Variants in MYRIP observed in about 807,000 individuals in gnomAD.
The protein encoded by MYRIP is myosin VIIA and Rab interacting protein, also known as rab effector MyRIP.
A neutral mutation model predicts 98.0 loss-of-function variants in MYRIP; 49 were observed. That is an observed-to-expected ratio of 0.50 (90% CI 0.40 to 0.63). The LOEUF is 0.63. Among genes scored for constraint, MYRIP ranks in the 30% least tolerant of loss-of-function variants. The probability of loss-of-function intolerance (pLI) is 0.00; values close to 1 mark genes in which losing one functional copy is unlikely to be tolerated. For missense variants in MYRIP, 1,004 were observed against 1,058.2 expected, an observed-to-expected ratio of 0.95 and a Z score of 0.71; for synonymous variants, 404 against 409.5, an observed-to-expected ratio of 0.99 and a Z score of 0.16.
chr3:40,124,561 C>T (rs950627682), intron 3 of MYRIP, among the ~76,000 whole-genome samples: 5 of 152,212 alleles, frequency 3.3e-5, no homozygotes, highest in African/African-American at 1.2e-4. Context: ...CAACCCACAC[C>T]TTTCTCCCAG....
chr3:40,034,732 C>T (rs1947338627), intron 2 of MYRIP, among the ~76,000 whole-genome samples: 1 of 151,664 alleles, frequency 6.6e-6, no homozygotes, highest in African/African-American at 2.4e-5. Context: ...GGTATATACC[C>T]AGAGGATTAT....
At position 40,033,725 on chromosome 3, in the gene MYRIP, A is replaced by G. The variant is rs182734263; in HGVS notation, c.111-10325A>G. Among the ~76,000 whole-genome samples, 4 of 152,198 alleles carry G rather than the reference A, an allele frequency of 2.6e-5. No individual in the cohort carries two copies. In the South Asian group the frequency reaches 8.3e-4, roughly 32 times the overall value. On this transcript the variant is annotated intron_variant, in intron 2 of 16. Coordinates refer to ENST00000302541, the MANE Select transcript of MYRIP (RefSeq NM_015460.4). The stretch of plus-strand genomic sequence containing the variant: ...CACAGAATTGGAAGAAAACTACTTT[A>G]AAGTTCATATGGAACCAAAAAAGAG...
At chr3:39,947,131 T>C (rs1944921998) in intron 2 of MYRIP, among the ~76,000 whole-genome samples, 1 of 152,108 alleles carries the variant, frequency 6.6e-6, no homozygotes, top group Non-Finnish European at 1.5e-5. Flanking sequence ...TAGCTGGAGA[T>C]AATAGAACAT....
chr3:39,891,768 G>C (rs1246894176), intron 1 of MYRIP, among the ~76,000 whole-genome samples: 1 of 151,992 alleles, frequency 6.6e-6, no homozygotes, highest in Non-Finnish European at 1.5e-5. Context: ...CCATCAATAG[G>C]TTAACATGAA....
intron 2 of MYRIP, among the ~76,000 whole-genome samples, chr3:39,901,329 A>C (rs747678841): frequency 6.6e-6 from 1 of 152,180 alleles, no homozygotes; most frequent in Non-Finnish European, 1.5e-5. Context: ...ACTCTCAGCT[A>C]CTGTAGCACA....
intron 11 of MYRIP, among the ~76,000 whole-genome samples, chr3:40,222,197 T>A (rs1559462797): frequency 6.6e-6 from 1 of 152,240 alleles, no homozygotes; most frequent in Admixed American, 6.5e-5. Flanking sequence ...CAGAGGCACT[T>A]CTGCAGTCAT....
At chr3:40,208,384 T>G (rs60713775) in intron 10 of MYRIP, among the ~76,000 whole-genome samples, 8,023 of 152,278 alleles carry the variant, frequency 0.053, 678 homozygotes, top group African/African-American at 0.18. Context: ...TTGGGTCCAG[T>G]GACCCCGATG....
At chr3:40,043,501 T>C (rs539796698) in intron 2 of MYRIP, among the ~76,000 whole-genome samples, 68 of 152,256 alleles carry the variant, frequency 4.5e-4, no homozygotes, top group African/African-American at 1.6e-3. Flanking sequence ...AATTGTTCTT[T>C]TATCCAACTA....
chr3:39,873,721 A>G (rs1274474483), intron 1 of MYRIP, among the ~76,000 whole-genome samples: 2 of 150,816 alleles, frequency 1.3e-5, no homozygotes, highest in East Asian at 1.9e-4. Context: ...TACCAGTACC[A>G]TGCTGTTTTG....
intron 2 of MYRIP, among the ~76,000 whole-genome samples, chr3:39,997,419 A>C (rs1055122712): frequency 1.3e-5 from 2 of 152,162 alleles, no homozygotes; most frequent in Non-Finnish European, 2.9e-5. Context: ...TATGCAAATA[A>C]ACTAGAAAAT....
intron 2 of MYRIP, among the ~76,000 whole-genome samples, chr3:39,929,008 T>G (rs934586586): frequency 1.3e-5 from 2 of 151,686 alleles, no homozygotes; most frequent in African/African-American, 2.4e-5. Context: ...CAAAAATTCA[T>G]TGTGTGTGTG....
chr3:40,034,326 G>T (rs1446112490), intron 2 of MYRIP, among the ~76,000 whole-genome samples: 11 of 152,090 alleles, frequency 7.2e-5, no homozygotes, highest in Non-Finnish European at 1.2e-4. Context: ...CTACTCATCT[G>T]ACAAAGGGCT....
intron 13 of MYRIP, among the ~76,000 whole-genome samples, chr3:40,245,913 ATTTTTT>A (rs55637614): frequency 3.5e-5 from 4 of 115,634 alleles, no homozygotes; most frequent in South Asian, 3.1e-4. Flanking sequence ...CACCCAGCTA[ATTTTTT>A]TTTTTTTTTT....
intron 3 of MYRIP, among the ~76,000 whole-genome samples, chr3:40,142,913 G>T (rs1188567493): frequency 6.6e-6 from 1 of 152,222 alleles, no homozygotes; most frequent in Non-Finnish European, 1.5e-5. Flanking sequence ...CTGAGGCTTA[G>T]AAGCTGCAGT....
Position 40,258,214 on chromosome 3 carries a change from G to A in MYRIP, c.*48G>A, listed in dbSNP as rs866130366. 21 of 1,611,120 alleles carry A rather than the reference G, an allele frequency of 1.3e-5. No homozygotes were observed. Among genetic ancestry groups the A allele is most frequent in the Non-Finnish European group, 1.5e-5 (18 of 1,177,486 alleles). On this transcript the variant is annotated 3_prime_UTR_variant, in exon 17 of 17. Coordinates refer to ENST00000302541, the MANE Select transcript of MYRIP (RefSeq NM_015460.4). ...TGACCCACTGCCTCCGGCCGTACAC[G>A]ACAGTGCCTTGACCCAACAGCCATC... is the stretch of plus-strand genomic sequence containing the variant.
At chr3:39,940,045 A>AAT (rs1226859000) in intron 2 of MYRIP, among the ~76,000 whole-genome samples, 1 of 152,128 alleles carries the variant, frequency 6.6e-6, no homozygotes, top group Non-Finnish European at 1.5e-5. Context: ...ACTGCAAAGT[A>AAT]ATATATGCTT....
intron 2 of MYRIP, among the ~76,000 whole-genome samples, chr3:39,986,489 T>C (rs369124138): frequency 1.3e-5 from 2 of 151,870 alleles, no homozygotes; most frequent in East Asian, 3.9e-4. Context: ...TCTCTCAACT[T>C]CCCTAAGAGC....
At chr3:39,973,945 G>A (rs1459047768) in intron 2 of MYRIP, among the ~76,000 whole-genome samples, 1 of 152,142 alleles carries the variant, frequency 6.6e-6, no homozygotes, top group Non-Finnish European at 1.5e-5. Context: ...ACAAGAGAAA[G>A]CAGGAAAGAT....
chr3:40,076,658 G>A (rs1037706601), intron 3 of MYRIP, among the ~76,000 whole-genome samples: 1 of 152,206 alleles, frequency 6.6e-6, no homozygotes, highest in Non-Finnish European at 1.5e-5. Context: ...CACATCATAT[G>A]TGCTCCCATT....
Sources: gnomAD v4.1 joint callset for allele counts (sites outside exome capture counted in the v4.1 genomes callset) on GRCh38, gnomAD v4.1.1 for gene constraint, MANE v1.5 for transcripts, NCBI Gene and HGNC (gene_info 2026-07-23, HGNC 2026-07-21) for gene names.